The following HEMK2 variants were observed in gnomAD, a reference collection of about 807,000 sequenced individuals.
HEMK2 encodes the protein methyltransferase HEMK2.
chr21:28,631,867 G>A, the HEMK2 span, among the ~76,000 whole-genome samples: 1,063 of 150,832 alleles, frequency 7.0e-3, 15 homozygotes, highest in African/African-American at 0.024. Flanking sequence ...CAGTTGCCCT[G>A]TCCACATACA....
chr21:28,614,046 C>A, the HEMK2 span, among the ~76,000 whole-genome samples: 1 of 152,154 alleles, frequency 6.6e-6, no homozygotes, highest in African/African-American at 2.4e-5. Flanking sequence ...ATTATGAGGC[C>A]CTATTGCAGC....
At chr21:28,847,136 C>T in the HEMK2 span, among the ~76,000 whole-genome samples, 1 of 152,050 alleles carries the variant, frequency 6.6e-6, no homozygotes, top group Non-Finnish European at 1.5e-5. Context: ...ATTTATATTA[C>T]TTTAGGTATA....
At chr21:28,602,781 C>G in the HEMK2 span, among the ~76,000 whole-genome samples, 1 of 152,200 alleles carries the variant, frequency 6.6e-6, no homozygotes, top group African/African-American at 2.4e-5. Context: ...TAGAGCTTAT[C>G]TCACTAACCC....
At chr21:28,662,807 G>A in the HEMK2 span, among the ~76,000 whole-genome samples, 1 of 152,106 alleles carries the variant, frequency 6.6e-6, no homozygotes, top group South Asian at 2.1e-4. Context: ...GCAGAACTGT[G>A]AGTCAATTAA....
At chr21:28,766,698 T>C in the HEMK2 span, among the ~76,000 whole-genome samples, 1 of 152,226 alleles carries the variant, frequency 6.6e-6, no homozygotes, top group Middle Eastern at 3.4e-3. Flanking sequence ...ATAATGTCTT[T>C]TGCAACAACT....
the HEMK2 span, among the ~76,000 whole-genome samples, chr21:28,703,560 C>T: frequency 6.6e-6 from 1 of 152,108 alleles, no homozygotes; most frequent in Non-Finnish European, 1.5e-5. Flanking sequence ...ATAAGAAGCT[C>T]ATGAGAGGAA....
the HEMK2 span, among the ~76,000 whole-genome samples, chr21:28,763,305 C>T: frequency 6.6e-6 from 1 of 152,256 alleles, no homozygotes; most frequent in South Asian, 2.1e-4. Context: ...CATCTTCTCA[C>T]TTCTGGTGAG....
At chr21:28,667,867 G>C in the HEMK2 span, among the ~76,000 whole-genome samples, 5 of 152,086 alleles carry the variant, frequency 3.3e-5, no homozygotes, top group Non-Finnish European at 1.5e-5. Context: ...TAGAGTTGTT[G>C]GGAGTATTAA....
At chr21:28,619,889 G>C in the HEMK2 span, among the ~76,000 whole-genome samples, 25 of 152,266 alleles carry the variant, frequency 1.6e-4, no homozygotes, top group African/African-American at 6.0e-4. Flanking sequence ...ACATGACTTC[G>C]TAAATCTAAG....
chr21:28,647,301 T>C, the HEMK2 span, among the ~76,000 whole-genome samples: 4 of 115,120 alleles, frequency 3.5e-5, no homozygotes, highest in African/African-American at 1.4e-4. Context: ...CTGGCCAACA[T>C]GGTGAAACCC....
chr21:28,694,870 C>T, the HEMK2 span, among the ~76,000 whole-genome samples: 8 of 151,980 alleles, frequency 5.3e-5, no homozygotes, highest in East Asian at 7.8e-4. Flanking sequence ...TGGTGGCGGG[C>T]GCCTATAGTC....
At chr21:28,775,570 T>G in the HEMK2 span, among the ~76,000 whole-genome samples, 3 of 152,180 alleles carry the variant, frequency 2.0e-5, no homozygotes, top group Non-Finnish European at 4.4e-5. Context: ...AAGGGAGAAC[T>G]ATCCAAGTGT....
At chr21:28,773,026 T>C in the HEMK2 span, among the ~76,000 whole-genome samples, 1,174 of 152,322 alleles carry the variant, frequency 7.7e-3, 15 homozygotes, top group African/African-American at 0.027. Context: ...TTTGTTCTTT[T>C]GGTTTGTTTG....
At chr21:28,735,628 G>A in the HEMK2 span, among the ~76,000 whole-genome samples, 1 of 152,148 alleles carries the variant, frequency 6.6e-6, no homozygotes, top group African/African-American at 2.4e-5. Context: ...AACGACTGGG[G>A]TTGGGGAGGC....
the HEMK2 span, among the ~76,000 whole-genome samples, chr21:28,610,985 G>A: frequency 6.6e-6 from 1 of 152,086 alleles, no homozygotes; most frequent in Non-Finnish European, 1.5e-5. Flanking sequence ...CACTAGACAG[G>A]TCATCAAGAT....
At chr21:28,845,383 C>T in the HEMK2 span, among the ~76,000 whole-genome samples, 7 of 152,142 alleles carry the variant, frequency 4.6e-5, no homozygotes, top group Admixed American at 1.3e-4. Context: ...CACTATTCCC[C>T]CTTTGCATAT....
At chr21:28,575,741 G>A in the HEMK2 span, among the ~76,000 whole-genome samples, 17 of 152,150 alleles carry the variant, frequency 1.1e-4, no homozygotes, top group African/African-American at 3.9e-4. Flanking sequence ...TTCCATCAAC[G>A]TAGAGTTTCC....
chr21:28,692,229 C>A, the HEMK2 span, among the ~76,000 whole-genome samples: 1 of 152,062 alleles, frequency 6.6e-6, no homozygotes, highest in African/African-American at 2.4e-5. Flanking sequence ...TTTATTTCAG[C>A]AAGAGACTAT....
chr21:28,667,904 G>A, the HEMK2 span, among the ~76,000 whole-genome samples: 1 of 152,098 alleles, frequency 6.6e-6, no homozygotes, highest in Non-Finnish European at 1.5e-5. Flanking sequence ...AAAGTGTTCA[G>A]GATGGCACCT....
Sources: gnomAD v4.1 joint callset for allele counts (sites outside exome capture counted in the v4.1 genomes callset) on GRCh38, gnomAD v4.1.1 for gene constraint, MANE v1.5 for transcripts, NCBI Gene and HGNC (gene_info 2026-07-23, HGNC 2026-07-21) for gene names.